CD81: variants seen among roughly 807,000 people sequenced by gnomAD.
CD81 encodes the protein CD81 antigen.
Under a neutral mutation model 30.1 loss-of-function variants are expected in CD81, and 10 were observed. The observed-to-expected ratio is 0.33, with a 90% confidence interval of 0.21 to 0.56. The LOEUF (loss-of-function observed/expected upper bound fraction) is 0.56. Among genes scored for constraint, CD81 ranks in the 20% least tolerant of loss-of-function variants. The probability of loss-of-function intolerance (pLI) is 0.89; values close to 1 mark genes in which losing one functional copy is unlikely to be tolerated. For missense variants in CD81, 263 were observed against 308.7 expected (o/e 0.85, Z 1.11); for synonymous variants, 147 against 126.4 (o/e 1.16, Z -1.10).
chr11:2,395,096 T>G, intron 4 of CD81, 50 bp downstream of exon 4: 1 of 1,454,564 alleles, frequency 6.9e-7, no homozygotes, highest in Non-Finnish European at 9.6e-7. Context: ...GGGGGCACCC[T>G]CCTCTCCTGT....
chr11:2,392,378 C>G (rs1357285818), intron 2 of CD81: 6 of 152,430 alleles, frequency 3.9e-5, no homozygotes, highest in Admixed American at 3.3e-4. Flanking sequence ...TGTGCTGAGG[C>G]CCCATGGTGC....
In CD81 at chr11:2,390,233, C is replaced by T; in HGVS notation, c.67-179C>T. The T allele has an allele frequency of 5.9e-6, 4 of 677,686 alleles. No individual in the cohort carries two copies. In the South Asian group the frequency reaches 6.2e-5, roughly 11 times the overall value. The allele number at this position is 677,686 out of a possible 1,614,324, so 42.0% of individuals were successfully genotyped here. ...GTAGATGGCGGCCAAAGCACCCGCCCCATGCTCCTGACTCCCGGGGCTCTT... is the reference window on the plus strand; with the variant it reads ...GTAGATGGCGGCCAAAGCACCCGCCTCATGCTCCTGACTCCCGGGGCTCTT... On this transcript the variant is annotated intron_variant, in intron 1 of 7. Transcript: ENST00000263645.
intron 6 of CD81, 164 bp downstream of exon 6, chr11:2,396,134 A>G (rs1039365441): frequency 2.4e-5 from 16 of 668,786 alleles, no homozygotes; most frequent in South Asian, 2.3e-4. Flanking sequence ...GTGGGACCGC[A>G]TCTGGCCCAC....
At chr11:2,389,877 C>G (rs1233711175) in intron 1 of CD81, among the ~76,000 whole-genome samples, 2 of 152,120 alleles carry the variant, frequency 1.3e-5, no homozygotes, top group Non-Finnish European at 2.9e-5. Flanking sequence ...TCTCAGCACC[C>G]CCAGACAGAA....
rs757357708 is a variant in CD81, at chr11:2,396,905, C to A, written c.*39C>A. The stretch of plus-strand genomic sequence containing the variant: ...TGGCCACAGGGACCTCTGCAGTGCC[C>A]CCTAAGTGACCCGGACACTTCCGAG... On this transcript the variant is annotated 3_prime_UTR_variant, in exon 8 of 8. Coordinates refer to ENST00000263645, the MANE Select transcript of CD81 (RefSeq NM_004356.4). The A allele has an allele frequency of 1.3e-6, 2 of 1,591,738 alleles. No homozygotes were observed. Among genetic ancestry groups the A allele is most frequent in the Non-Finnish European group, 1.7e-6 (2 of 1,162,626 alleles).
intron 1 of CD81, among the ~76,000 whole-genome samples, chr11:2,383,392 G>A (rs1219158695): frequency 6.6e-6 from 1 of 152,130 alleles, no homozygotes; most frequent in Non-Finnish European, 1.5e-5. Flanking sequence ...AGAGAGTGAG[G>A]GGTTGGCCTG....
At chr11:2,395,830 G>T in intron 5 of CD81, 39 bp from the exon 6 acceptor site, 1 of 1,402,108 alleles carries the variant, frequency 7.1e-7, no homozygotes, top group South Asian at 1.2e-5. Flanking sequence ...GTCCCCCTGG[G>T]CACATCCAGG....
intron 6 of CD81, 38 bp downstream of exon 6, chr11:2,396,008 ATGTCCCGCCCCTG>A: frequency 7.3e-7 from 1 of 1,361,114 alleles, no homozygotes; most frequent in Non-Finnish European, 1.0e-6. Context: ...GACCCCCCGC[ATGTCCCGCCCCTG>A]GGTGGGGTCC....
intron 1 of CD81, chr11:2,379,075 C>T (rs975331072): frequency 1.9e-4 from 86 of 442,564 alleles, no homozygotes; most frequent in Non-Finnish European, 3.6e-4. Context: ...GGGAGGGGCT[C>T]GCCTTCCCCA....
At chr11:2,385,884 T>C in intron 1 of CD81, 2 of 648,784 alleles carry the variant, frequency 3.1e-6, no homozygotes, top group Non-Finnish European at 2.9e-6. Context: ...AAGTCTTGTG[T>C]GAACCTAAGT....
rs1390706376 is a variant in CD81 at position 2,378,932 on chromosome 11, G to A, written c.66+1317G>A. Among the ~76,000 whole-genome samples, 1 of 152,254 alleles carries A rather than the reference G, an allele frequency of 6.6e-6. No homozygotes were observed. The highest frequency in any genetic ancestry group is 1.5e-5 in the Non-Finnish European group (1 of 68,042). ...GGACGGAGGCTGAACTGAACTCTCA[G>A]CTGGGAGATGAGTGGGGCAGTCACA... On this transcript the variant is annotated intron_variant, in intron 1 of 7. Transcript: ENST00000263645. The surrounding 1 kb of genome is among the most constrained non-coding windows in gnomAD (Gnocchi z 4.9).
chr11:2,384,981 C>A (rs1849765006), intron 1 of CD81, among the ~76,000 whole-genome samples: 1 of 152,106 alleles, frequency 6.6e-6, no homozygotes, highest in African/African-American at 2.4e-5. Context: ...CATCGGGCTC[C>A]ATAGTTACTC....
chr11:2,396,472 G>A (rs1369184592), intron 6 of CD81, 156 bp from the exon 7 acceptor site: 8 of 718,522 alleles, frequency 1.1e-5, no homozygotes, highest in Middle Eastern at 3.8e-4. Flanking sequence ...AGGCCGGGCC[G>A]CTGCACCCGC....
At chr11:2,381,642 G>A (rs949706601) in intron 1 of CD81, among the ~76,000 whole-genome samples, 1 of 152,238 alleles carries the variant, frequency 6.6e-6, no homozygotes, top group Non-Finnish European at 1.5e-5. Flanking sequence ...TGTACCCACC[G>A]TGGTTTTAGA....
chr11:2,383,873 C>A (rs995732949), intron 1 of CD81, among the ~76,000 whole-genome samples: 1 of 152,194 alleles, frequency 6.6e-6, no homozygotes, highest in Non-Finnish European at 1.5e-5. Flanking sequence ...CAGATCCCTG[C>A]CCTTTCCTGC....
At chr11:2,396,187 G>A in intron 6 of CD81, 1 of 616,738 alleles carries the variant, frequency 1.6e-6, no homozygotes, top group Admixed American at 2.4e-5. Flanking sequence ...GGGTGAAGAA[G>A]GTGGAGGCTC....
chr11:2,383,758 G>A (rs534946134), intron 1 of CD81, among the ~76,000 whole-genome samples: 2 of 152,372 alleles, frequency 1.3e-5, no homozygotes, highest in Non-Finnish European at 2.9e-5. Context: ...GTAAAGGCGG[G>A]TGAGCTGATG....
intron 1 of CD81, among the ~76,000 whole-genome samples, chr11:2,384,494 G>A (rs1486197359): frequency 2.1e-5 from 2 of 95,348 alleles, no homozygotes; most frequent in Admixed American, 1.2e-4. Flanking sequence ...GGGGTAGGGC[G>A]GCTTGTGGGG....
At chr11:2,380,904 A>G (rs1218409391) in intron 1 of CD81, among the ~76,000 whole-genome samples, 2 of 152,094 alleles carry the variant, frequency 1.3e-5, no homozygotes, top group Admixed American at 1.3e-4. Flanking sequence ...GCTGGTAGCC[A>G]CCTCCCAGTG....
Sources: allele counts gnomAD v4.1 joint callset (sites outside exome capture counted in the v4.1 genomes callset), GRCh38; gene constraint gnomAD v4.1.1; non-coding constraint Gnocchi (gnomAD v3.1); transcripts MANE v1.5; gene names NCBI Gene and HGNC (gene_info 2026-07-23, HGNC 2026-07-21).